ANKRD30B: variants seen among roughly 807,000 people sequenced by gnomAD.
The protein encoded by ANKRD30B is ankyrin repeat domain-containing protein 30B.
Under a neutral mutation model 202.2 loss-of-function variants are expected in ANKRD30B, and 144 were observed. That is an observed-to-expected ratio of 0.71 (90% CI 0.62 to 0.82). The LOEUF (loss-of-function observed/expected upper bound fraction) is 0.82, where lower values mean the gene tolerates loss of function less well. ANKRD30B is among the 40% of genes least tolerant of loss of function. ANKRD30B has a pLI of 0.00. For missense variants in ANKRD30B, 1,487 were observed against 1,669.1 expected (o/e 0.89, Z 1.90); for synonymous variants, 508 against 561.3 (o/e 0.91, Z 1.34).
chr18:14,840,910 A>G (rs543501140), intron 37 of ANKRD30B, among the ~76,000 whole-genome samples: 2 of 152,358 alleles, frequency 1.3e-5, no homozygotes, highest in South Asian at 2.1e-4. Context: ...ACCTGAGGAA[A>G]GGAGTAAAAC....
chr18:14,904,014 G>A, the ANKRD30B span, among the ~76,000 whole-genome samples: 2 of 152,286 alleles, frequency 1.3e-5, no homozygotes, highest in African/African-American at 4.8e-5. Context: ...ATTGTCATCT[G>A]TCTTCACTGT....
At chr18:14,883,148 A>T in the ANKRD30B span, among the ~76,000 whole-genome samples, 1 of 152,060 alleles carries the variant, frequency 6.6e-6, no homozygotes, top group African/African-American at 2.4e-5. Context: ...AAGATGAAGA[A>T]GCAGGCATAG....
chr18:14,792,145 T>C (rs189311287), intron 16 of ANKRD30B, among the ~76,000 whole-genome samples: 136 of 152,300 alleles, frequency 8.9e-4, no homozygotes, highest in African/African-American at 3.2e-3. Context: ...GAAAACCTTG[T>C]TAACAATTCA....
chr18:14,871,109 A>G, the ANKRD30B span, among the ~76,000 whole-genome samples: 1 of 62,182 alleles, frequency 1.6e-5, no homozygotes, highest in Non-Finnish European at 3.1e-5. Context: ...ACCCTCACCC[A>G]CACACTCTCA....
the ANKRD30B span, among the ~76,000 whole-genome samples, chr18:14,880,619 G>A: frequency 6.9e-6 from 1 of 145,456 alleles, no homozygotes; most frequent in African/African-American, 2.6e-5. Context: ...AGGTGGGAGT[G>A]CAATGGTGTG....
the ANKRD30B span, among the ~76,000 whole-genome samples, chr18:14,920,778 T>C: frequency 1.3e-5 from 2 of 152,222 alleles, no homozygotes; most frequent in African/African-American, 4.8e-5. Flanking sequence ...TGGGAACTCC[T>C]TCGTCAGTGG....
At chr18:14,786,009 C>T (rs1968057951) in intron 14 of ANKRD30B, among the ~76,000 whole-genome samples, 1 of 121,814 alleles carries the variant, frequency 8.2e-6, no homozygotes, top group South Asian at 2.8e-4. Flanking sequence ...CTGCAGTCTG[C>T]AGTCCGGCCT....
chr18:14,774,479 T>C (rs1221985814), intron 9 of ANKRD30B, among the ~76,000 whole-genome samples: 1 of 152,208 alleles, frequency 6.6e-6, no homozygotes, highest in African/African-American at 2.4e-5. Flanking sequence ...CAGGTTTCTA[T>C]TTAGTGGCTA....
rs1196296206 is a variant in ANKRD30B at position 14,781,334 on chromosome 18, G to A, written c.1483-1193G>A. On this transcript the variant is annotated intron_variant, in intron 11 of 43. Transcript: ENST00000690538. ...TTTTGAGACAGAGTTTCGCTCAGTC[G>A]CCCAGGCTGGAGTGCAGTGGCTGGA... 2.8e-4 allele frequency among the ~76,000 whole-genome samples: 13 copies of A among 47,186 alleles called. No homozygotes were observed. In the East Asian group the frequency reaches 5.9e-3, roughly 22 times the overall value. The allele number at this position is 47,186 out of a possible 152,430, so 31.0% of individuals were successfully genotyped here.
the ANKRD30B span, among the ~76,000 whole-genome samples, chr18:14,865,101 C>T: frequency 6.6e-6 from 1 of 151,978 alleles, no homozygotes; most frequent in Admixed American, 6.6e-5. Flanking sequence ...TCTCCTCCCA[C>T]TTGCCACCCT....
chr18:14,750,930 T>G lies in ANKRD30B; in HGVS notation c.222-1636T>G, dbSNP rs1020073797. On this transcript the variant is annotated intron_variant, in intron 1 of 43. Coordinates refer to ENST00000690538, the MANE Select transcript of ANKRD30B (RefSeq NM_001367607.2). The stretch of plus-strand genomic sequence containing the variant: ...ATAAAATGTTTTTCCTTTTTTTATC[T>G]TTGATTTCTGCATTGAGCATGTACG... Among the ~76,000 whole-genome samples the G allele has an allele frequency of 3.3e-5, 5 of 152,198 alleles. No individual in the cohort carries two copies. The South Asian group carries it at 1.0e-3, about 31-fold the overall frequency.
the ANKRD30B span, among the ~76,000 whole-genome samples, chr18:14,931,722 G>A: frequency 4.6e-5 from 7 of 152,172 alleles, no homozygotes; most frequent in East Asian, 3.9e-4. Context: ...GGCCTTAGGC[G>A]AAGTACAGCC....
rs189313275 is a variant in ANKRD30B at position 14,827,016 on chromosome 18, A to T, written c.2744-1262A>T. On this transcript the variant is annotated intron_variant, in intron 32 of 43. Transcript: ENST00000690538. ...TTTTTCTTGTGATGACTGTGAGATG[A>T]TATAATGCCTATGTGATGAGATGAA... 8.5e-5 allele frequency among the ~76,000 whole-genome samples: 13 copies of T among 152,278 alleles called. No homozygotes were observed. The East Asian group carries it at 2.5e-3, about 29-fold the overall frequency.
chr18:14,848,473 A>C (rs1029396153), intron 39 of ANKRD30B, among the ~76,000 whole-genome samples: 1 of 152,038 alleles, frequency 6.6e-6, no homozygotes, highest in Non-Finnish European at 1.5e-5. Flanking sequence ...ATTTTCTTAC[A>C]GTATCTATCT....
chr18:14,847,779 C>T (rs1429444706), intron 39 of ANKRD30B, among the ~76,000 whole-genome samples: 1 of 151,772 alleles, frequency 6.6e-6, no homozygotes, highest in Non-Finnish European at 1.5e-5. Flanking sequence ...CTGAGTCTTC[C>T]CAGGCAAATC....
chr18:14,794,607 T>G (rs1218232761), intron 16 of ANKRD30B, among the ~76,000 whole-genome samples: 2 of 152,206 alleles, frequency 1.3e-5, no homozygotes, highest in Non-Finnish European at 2.9e-5. Context: ...TTAAAGATAT[T>G]AATGAATCGA....
the ANKRD30B span, among the ~76,000 whole-genome samples, chr18:14,935,789 G>T: frequency 1.3e-5 from 2 of 152,226 alleles, no homozygotes; most frequent in African/African-American, 4.8e-5. Flanking sequence ...AGTGCATTCT[G>T]CACTACCACT....
intron 4 of ANKRD30B, 100 bp from the exon 5 acceptor site, chr18:14,757,715 A>AGG: frequency 7.7e-7 from 1 of 1,302,650 alleles, no homozygotes; most frequent in Non-Finnish European, 1.0e-6. Context: ...AGCACTCAAG[A>AGG]TACTTATGTT....
In ANKRD30B at chr18:14,850,259, A is replaced by G; in HGVS notation, c.3441A>G (p.Ile1147Met). 1 of 1,589,576 alleles carries G rather than the reference A, an allele frequency of 6.3e-7. No homozygotes were observed. The highest frequency in any genetic ancestry group is 8.5e-7 in the Non-Finnish European group (1 of 1,170,526). ...QEEEKRRNVD[I>M]LKEKIRPEEQ... The stretch of plus-strand genomic sequence containing the variant: ...AAGAGAAGAGAAGAAATGTCGATAT[A>G]TTAAAAGAAAAAATTAGACCCGAAG... The change falls in exon 41 of 44, where the codon ATA becomes ATG. Residue 1147 changes from isoleucine to methionine, a missense_variant. Ile to Met is a conservative substitution (Grantham distance 10). Transcript: ENST00000690538.
Sources: gnomAD v4.1 joint callset for allele counts (sites outside exome capture counted in the v4.1 genomes callset) on GRCh38, gnomAD v4.1.1 for gene constraint, MANE v1.5 for transcripts, NCBI Gene and HGNC (gene_info 2026-07-23, HGNC 2026-07-21) for gene names.